Variants in GALNT18 observed in about 807,000 individuals in gnomAD.
GALNT18 encodes polypeptide N-acetylgalactosaminyltransferase 18, also known as GalNAc-transferase 18.
A neutral mutation model predicts 69.5 loss-of-function variants in GALNT18; 44 were observed. That is an observed-to-expected ratio of 0.63 (90% CI 0.50 to 0.81). GALNT18 has a LOEUF of 0.81. Ranked by LOEUF, GALNT18 falls within the 40% of genes least tolerant of loss-of-function variation. GALNT18 has a pLI of 0.00. For missense variants in GALNT18, 715 were observed against 810.0 expected, an observed-to-expected ratio of 0.88 and a Z score of 1.42; for synonymous variants, 364 against 318.2, an observed-to-expected ratio of 1.14 and a Z score of -1.53.
At chr11:11,357,876 A>G (rs1424374982) in intron 6 of GALNT18, among the ~76,000 whole-genome samples, 2 of 152,228 alleles carry the variant, frequency 1.3e-5, no homozygotes, top group African/African-American at 4.8e-5. Flanking sequence ...GGTGCTTTAT[A>G]AATATTTATT....
chr11:11,411,934 C>A (rs1447677718), intron 3 of GALNT18, among the ~76,000 whole-genome samples: 12 of 152,164 alleles, frequency 7.9e-5, no homozygotes, highest in African/African-American at 9.7e-5. Context: ...TGGTTCTGGG[C>A]CATATTGGGG....
intron 6 of GALNT18, among the ~76,000 whole-genome samples, chr11:11,345,413 A>T (rs1850284708): frequency 6.6e-6 from 1 of 152,054 alleles, no homozygotes; most frequent in South Asian, 2.1e-4. Context: ...CAAAAGTCAT[A>T]CCCACAGCTC....
At chr11:11,539,773 G>A (rs1009449440) in intron 1 of GALNT18, among the ~76,000 whole-genome samples, 10 of 152,156 alleles carry the variant, frequency 6.6e-5, no homozygotes, top group South Asian at 6.2e-4. Context: ...CTGTGGCTGC[G>A]TCTTAGAAAG....
At chr11:11,323,212 T>C (rs1418875025) in intron 9 of GALNT18, among the ~76,000 whole-genome samples, 1 of 152,136 alleles carries the variant, frequency 6.6e-6, no homozygotes, top group East Asian at 1.9e-4. Context: ...AACTCTAAAG[T>C]CCAAAGTCTC....
At chr11:11,520,463 C>T (rs1857371475) in intron 1 of GALNT18, among the ~76,000 whole-genome samples, 3 of 152,210 alleles carry the variant, frequency 2.0e-5, no homozygotes, top group African/African-American at 7.2e-5. Context: ...CCTGCCCCAG[C>T]ATGTCAGACA....
At chr11:11,548,539 T>A (rs930512214) in intron 1 of GALNT18, among the ~76,000 whole-genome samples, 3 of 152,196 alleles carry the variant, frequency 2.0e-5, no homozygotes, top group African/African-American at 7.2e-5. Flanking sequence ...CTGGACCTCC[T>A]GGGGTTCCTG....
Position 11,337,376 on chromosome 11 carries a change from T to C in GALNT18, c.1278+3443A>G, listed in dbSNP as rs1436559484. 6.6e-6 allele frequency among the ~76,000 whole-genome samples: 1 copy of C among 152,164 alleles called. No individual in the cohort carries two copies. The highest frequency in any genetic ancestry group is 2.4e-5 in the African/African-American group (1 of 41,452). On this transcript the variant is annotated intron_variant, in intron 7 of 10. Coordinates refer to ENST00000227756, the MANE Select transcript of GALNT18 (RefSeq NM_198516.3). The surrounding 1 kb of genome is among the most constrained non-coding windows in gnomAD (Gnocchi z 4.9). ...CAGTCTGTCCTCAGAGAGCCCATGGTGTATTGTGGTGGTTCTCAGTGGTTC... is the reference window on the plus strand; with the variant it reads ...CAGTCTGTCCTCAGAGAGCCCATGGCGTATTGTGGTGGTTCTCAGTGGTTC...
chr11:11,284,517 C>T (rs182096184), intron 10 of GALNT18, among the ~76,000 whole-genome samples: 34 of 152,226 alleles, frequency 2.2e-4, no homozygotes, highest in East Asian at 1.7e-3. Flanking sequence ...CCCAGCTGGT[C>T]GCTTGCATCC....
At position 11,341,386 on chromosome 11, in the gene GALNT18, C is replaced by T. The variant is rs1850204269; in HGVS notation, c.1093-382G>A. Among the ~76,000 whole-genome samples the T allele has an allele frequency of 1.3e-5, 2 of 152,070 alleles. No homozygotes were observed. The highest frequency in any genetic ancestry group is 1.3e-4 in the Admixed American group (2 of 15,278). On this transcript the variant is annotated intron_variant, in intron 6 of 10. Coordinates refer to ENST00000227756, the MANE Select transcript of GALNT18 (RefSeq NM_198516.3). The surrounding 1 kb of genome is among the most constrained non-coding windows in gnomAD (Gnocchi z 6.3). Reference sequence around the variant, plus strand: ...GATGATAGTCTGCAGCAGTGGTTGACATAAAGGAGAACCAGCAAGACTCCC... The same window carrying T: ...GATGATAGTCTGCAGCAGTGGTTGATATAAAGGAGAACCAGCAAGACTCCC...
At chr11:11,293,900 G>C (rs932674404) in intron 9 of GALNT18, among the ~76,000 whole-genome samples, 2 of 108,314 alleles carry the variant, frequency 1.8e-5, no homozygotes, top group Admixed American at 1.0e-4. Flanking sequence ...AGGGAGCGCA[G>C]AGTCTTGTGG....
intron 9 of GALNT18, among the ~76,000 whole-genome samples, chr11:11,303,979 G>A (rs1015480382): frequency 4.6e-5 from 7 of 152,198 alleles, no homozygotes; most frequent in African/African-American, 9.7e-5. Context: ...AGATGGCTCT[G>A]TCCAGGGCTT....
rs1258693240 is a variant in GALNT18, at chr11:11,430,516, C to A, written c.595+2105G>T. On this transcript the variant is annotated intron_variant, in intron 3 of 10. Coordinates refer to ENST00000227756, the MANE Select transcript of GALNT18 (RefSeq NM_198516.3). This position sits in a 1 kb window ranked among gnomAD's most constrained non-coding sequence, Gnocchi z 4.9. Reference sequence around the variant, plus strand: ...ATCAAGATACTTTACTGAACCATCACCACAATGCTCTAGAGCTTTGGTTGT... The same window carrying A: ...ATCAAGATACTTTACTGAACCATCAACACAATGCTCTAGAGCTTTGGTTGT... 6.6e-6 allele frequency among the ~76,000 whole-genome samples: 1 copy of A among 152,238 alleles called. No homozygotes were observed. The highest frequency in any genetic ancestry group is 2.4e-5 in the African/African-American group (1 of 41,460).
rs565837214 is a variant in GALNT18, at chr11:11,459,572, A to C, written c.236-10636T>G. Among the ~76,000 whole-genome samples, 1 of 152,162 alleles carries C rather than the reference A, an allele frequency of 6.6e-6. No individual in the cohort carries two copies. The highest frequency in any genetic ancestry group is 1.5e-5 in the Non-Finnish European group (1 of 68,012). ...AGGGGCTGAGCCCACCAGACTGAGGAGCTCTGGAGGCACCTCTGCCCTGGA... is the reference window on the plus strand; with the variant it reads ...AGGGGCTGAGCCCACCAGACTGAGGCGCTCTGGAGGCACCTCTGCCCTGGA... On this transcript the variant is annotated intron_variant, in intron 1 of 10. Coordinates refer to ENST00000227756, the MANE Select transcript of GALNT18 (RefSeq NM_198516.3). This position sits in a 1 kb window ranked among gnomAD's most constrained non-coding sequence, Gnocchi z 5.0.
chr11:11,401,055 C>A (rs769745179), intron 3 of GALNT18, among the ~76,000 whole-genome samples: 1 of 152,094 alleles, frequency 6.6e-6, no homozygotes, highest in Non-Finnish European at 1.5e-5. Flanking sequence ...AGTAGTGAGA[C>A]GAGATCAGGG....
intron 10 of GALNT18, among the ~76,000 whole-genome samples, chr11:11,286,659 G>A (rs1849201425): frequency 6.6e-6 from 1 of 152,142 alleles, no homozygotes; most frequent in South Asian, 2.1e-4. Flanking sequence ...TTGATCAACA[G>A]CATGCTGGGT....
intron 10 of GALNT18, among the ~76,000 whole-genome samples, chr11:11,276,769 C>T (rs1187015991): frequency 2.0e-5 from 3 of 152,152 alleles, no homozygotes; most frequent in African/African-American, 7.2e-5. Flanking sequence ...TTGAAATAAT[C>T]ATGTGGTTTT....
intron 1 of GALNT18, among the ~76,000 whole-genome samples, chr11:11,462,304 T>C (rs1856062378): frequency 6.7e-6 from 1 of 148,262 alleles, no homozygotes; most frequent in Non-Finnish European, 1.5e-5. Context: ...TGCGATGGAG[T>C]CTTGCTCTGT....
At chr11:11,278,855 G>C (rs1849005424) in intron 10 of GALNT18, among the ~76,000 whole-genome samples, 1 of 152,270 alleles carries the variant, frequency 6.6e-6, no homozygotes, top group Non-Finnish European at 1.5e-5. Flanking sequence ...AGTAGAATTG[G>C]AATGTTTCTA....
At chr11:11,294,553 A>G (rs988742075) in intron 9 of GALNT18, among the ~76,000 whole-genome samples, 26 of 151,864 alleles carry the variant, frequency 1.7e-4, no homozygotes, top group African/African-American at 5.1e-4. Flanking sequence ...TTCTGCACAG[A>G]GGACCATACA....
Sources: allele counts gnomAD v4.1 joint callset (sites outside exome capture counted in the v4.1 genomes callset), GRCh38; gene constraint gnomAD v4.1.1; non-coding constraint Gnocchi (gnomAD v3.1); transcripts MANE v1.5; gene names NCBI Gene and HGNC (gene_info 2026-07-23, HGNC 2026-07-21).